CDH13: variants seen among roughly 807,000 people sequenced by gnomAD.
CDH13 encodes the protein cadherin 13, also known as cadherin-13.
CDH13 carries 24 observed loss-of-function variants against 63.8 expected under a neutral mutation model. That is an observed-to-expected ratio of 0.38 (90% CI 0.27 to 0.53). The LOEUF (loss-of-function observed/expected upper bound fraction) is 0.53. Ranked by LOEUF, CDH13 falls within the 20% of genes least tolerant of loss-of-function variation. The pLI, the probability that CDH13 is intolerant of heterozygous loss-of-function variation, is 0.85. For missense variants in CDH13, 1,049 were observed against 903.1 expected, an observed-to-expected ratio of 1.16 and a Z score of -2.07; for synonymous variants, 503 against 355.3, an observed-to-expected ratio of 1.42 and a Z score of -4.67.
intron 6 of CDH13, among the ~76,000 whole-genome samples, chr16:83,413,429 C>T (rs372370255): frequency 5.3e-5 from 8 of 152,236 alleles, no homozygotes; most frequent in South Asian, 4.2e-4. Flanking sequence ...TAAAACCGAG[C>T]GACTTTCATT....
chr16:82,910,854 C>A (rs2041808035), intron 2 of CDH13, among the ~76,000 whole-genome samples: 2 of 152,026 alleles, frequency 1.3e-5, no homozygotes, highest in African/African-American at 4.8e-5. Flanking sequence ...TCTTTCTTAC[C>A]CAGAGGGTCA....
chr16:82,639,892 GCACCGTCCCGC>G (rs1909175925), intron 1 of CDH13, among the ~76,000 whole-genome samples: 1 of 152,230 alleles, frequency 6.6e-6, no homozygotes, highest in Non-Finnish European at 1.5e-5. Context: ...ACCACTGTGT[GCACCGTCCCGC>G]CACCTGGTGG....
intron 6 of CDH13, among the ~76,000 whole-genome samples, chr16:83,476,284 G>C (rs2073602241): frequency 6.6e-6 from 1 of 152,050 alleles, no homozygotes; most frequent in South Asian, 2.1e-4. Context: ...ACAACCAAAA[G>C]TATCCCCAGG....
At chr16:82,785,668 C>T (rs1315674558) in intron 1 of CDH13, among the ~76,000 whole-genome samples, 1 of 152,220 alleles carries the variant, frequency 6.6e-6, no homozygotes, top group Non-Finnish European at 1.5e-5. Context: ...CCATGGATTC[C>T]TAATTGAGGA....
chr16:83,095,107 C>G (rs187110371), intron 3 of CDH13, among the ~76,000 whole-genome samples: 36 of 152,292 alleles, frequency 2.4e-4, no homozygotes, highest in African/African-American at 7.2e-5. Flanking sequence ...GATTTCTGAA[C>G]AGAAATAAAA....
At chr16:83,057,588 T>C (rs1349025206) in intron 3 of CDH13, among the ~76,000 whole-genome samples, 4 of 92,846 alleles carry the variant, frequency 4.3e-5, no homozygotes, top group Admixed American at 4.1e-4. Flanking sequence ...CTTTCTATTG[T>C]TAAAAAAAAA....
At chr16:82,965,328 G>T (rs1446129122) in intron 2 of CDH13, among the ~76,000 whole-genome samples, 1 of 152,226 alleles carries the variant, frequency 6.6e-6, no homozygotes, top group African/African-American at 2.4e-5. Flanking sequence ...TGAACAAGGA[G>T]CCCCTATGGA....
intron 10 of CDH13, among the ~76,000 whole-genome samples, chr16:83,708,746 C>A (rs1169994401): frequency 1.3e-5 from 2 of 152,170 alleles, no homozygotes; most frequent in Admixed American, 6.5e-5. Flanking sequence ...GAGGCAGGGC[C>A]AAGCGCGGTG....
intron 5 of CDH13, among the ~76,000 whole-genome samples, chr16:83,265,478 C>T (rs1010712064): frequency 6.6e-6 from 1 of 152,266 alleles, no homozygotes. Flanking sequence ...TTTTACATAA[C>T]TGTCTTCTCT....
intron 1 of CDH13, among the ~76,000 whole-genome samples, chr16:82,685,904 C>T (rs1164683205): frequency 6.6e-6 from 1 of 152,166 alleles, no homozygotes; most frequent in Non-Finnish European, 1.5e-5. Context: ...CAGGTGCTCC[C>T]TTTAGGAATG....
intron 3 of CDH13, among the ~76,000 whole-genome samples, chr16:83,074,201 T>C (rs563836782): frequency 1.3e-5 from 2 of 152,310 alleles, no homozygotes; most frequent in East Asian, 3.9e-4. Flanking sequence ...GCTCTTTTTC[T>C]CCATATTTTA....
chr16:83,481,247 C>G (rs1469747103), intron 6 of CDH13, among the ~76,000 whole-genome samples: 1 of 152,136 alleles, frequency 6.6e-6, no homozygotes, highest in Non-Finnish European at 1.5e-5. Flanking sequence ...GTCTATGTCT[C>G]AATACGTGAT....
Position 82,639,529 on chromosome 16 carries a change from C to T in CDH13, c.45+12392C>T, listed in dbSNP as rs1026867834. The T allele has an allele frequency of 2.3e-5, 26 of 1,107,218 alleles. No homozygotes were observed. In the African/African-American group the frequency reaches 3.4e-4, roughly 14 times the overall value. 68.6% of individuals were successfully genotyped at this position (1,107,218 alleles called of 1,614,324 possible). Reference sequence around the variant, plus strand: ...ATTCTTCCCTAGGGATGCTAAGAAACCCTGTTGCCTAAGTCAGTGCTTCCT... The same window carrying T: ...ATTCTTCCCTAGGGATGCTAAGAAATCCTGTTGCCTAAGTCAGTGCTTCCT... On this transcript the variant is annotated intron_variant, in intron 1 of 13. Transcript: ENST00000567109.
chr16:83,481,495 G>A (rs1303104632), intron 6 of CDH13, among the ~76,000 whole-genome samples: 1 of 152,192 alleles, frequency 6.6e-6, no homozygotes, highest in East Asian at 1.9e-4. Flanking sequence ...CTTCAAAGCT[G>A]GCTTTCAAGG....
intron 5 of CDH13, among the ~76,000 whole-genome samples, chr16:83,236,954 C>T (rs1204615583): frequency 6.6e-6 from 1 of 151,950 alleles, no homozygotes; most frequent in East Asian, 2.0e-4. Flanking sequence ...ATGTGAGTTT[C>T]ACCTCATTTT....
chr16:82,988,045 A>G (rs917912818), intron 2 of CDH13, among the ~76,000 whole-genome samples: 9 of 152,214 alleles, frequency 5.9e-5, no homozygotes, highest in African/African-American at 7.2e-5. Context: ...GCCACTGCCA[A>G]TTGAAGCACG....
intron 2 of CDH13, among the ~76,000 whole-genome samples, chr16:82,889,417 G>A (rs4783295): frequency 0.41 from 62,197 of 151,798 alleles, 13,529 homozygotes; most frequent in East Asian, 0.78. Context: ...AAGGCAACTC[G>A]CTTTCGGGTT....
intron 7 of CDH13, among the ~76,000 whole-genome samples, chr16:83,548,159 T>C (rs1287474597): frequency 6.6e-6 from 1 of 151,952 alleles, no homozygotes; most frequent in Non-Finnish European, 1.5e-5. Flanking sequence ...CACTTAAACC[T>C]AGTGGGGGTG....
At chr16:83,243,583 A>AC (rs1904691080) in intron 5 of CDH13, among the ~76,000 whole-genome samples, 1 of 152,158 alleles carries the variant, frequency 6.6e-6, no homozygotes, top group Admixed American at 6.5e-5. Flanking sequence ...CCATCTCTGT[A>AC]CAGGGGGCTG....
Sources: allele counts gnomAD v4.1 joint callset (sites outside exome capture counted in the v4.1 genomes callset), GRCh38; gene constraint gnomAD v4.1.1; transcripts MANE v1.5; gene names NCBI Gene and HGNC (gene_info 2026-07-23, HGNC 2026-07-21).